LRBA: variants seen among roughly 807,000 people sequenced by gnomAD.
The protein encoded by LRBA is LPS responsive beige-like anchor protein.
In LRBA, 176 loss-of-function variants were observed where a neutral mutation model predicts 330.0. That is an observed-to-expected ratio of 0.53 (90% CI 0.47 to 0.60). LRBA has a LOEUF of 0.60. LRBA is among the 20% of genes least tolerant of loss of function. The pLI is 0.00. For missense variants in LRBA, 3,259 were observed against 3,444.8 expected (o/e 0.95, Z 1.35); for synonymous variants, 1,230 against 1,193.0 (o/e 1.03, Z -0.64).
chr4:150,788,551 A>C (rs1739421732), intron 34 of LRBA, among the ~76,000 whole-genome samples: 1 of 152,166 alleles, frequency 6.6e-6, no homozygotes, highest in African/African-American at 2.4e-5. Context: ...ACCTGAGGTC[A>C]GGAGTTCAAG....
chr4:150,548,188 T>C (rs1766080589), intron 40 of LRBA, among the ~76,000 whole-genome samples: 1 of 152,152 alleles, frequency 6.6e-6, no homozygotes, highest in South Asian at 2.1e-4. Flanking sequence ...GTCAGATACA[T>C]AATAATCAGC....
intron 47 of LRBA, among the ~76,000 whole-genome samples, chr4:150,367,457 A>G (rs956191520): frequency 2.6e-4 from 40 of 152,228 alleles, no homozygotes; most frequent in African/African-American, 8.9e-4. Flanking sequence ...GCTGTTTTAC[A>G]AGTAATCATC....
At chr4:150,269,274 A>G (rs563902115) in intron 56 of LRBA, among the ~76,000 whole-genome samples, 34 of 152,358 alleles carry the variant, frequency 2.2e-4, no homozygotes, top group Non-Finnish European at 4.7e-4. Flanking sequence ...ACAATGCGAC[A>G]GTAATCAAAA....
chr4:150,863,491 G>A (rs1006825919), intron 22 of LRBA, among the ~76,000 whole-genome samples: 2 of 151,986 alleles, frequency 1.3e-5, no homozygotes, highest in Admixed American at 1.3e-4. Flanking sequence ...GCGAAACACC[G>A]TCTCTACTAA....
intron 36 of LRBA, among the ~76,000 whole-genome samples, chr4:150,730,011 A>T (rs1409648423): frequency 6.6e-6 from 1 of 152,220 alleles, no homozygotes; most frequent in Non-Finnish European, 1.5e-5. Flanking sequence ...TAGATTAAAG[A>T]CTTAAATCTA....
In LRBA at chr4:150,320,677, C is replaced by T. The variant is rs371614784; in HGVS notation, c.7630+514G>A. Among the ~76,000 whole-genome samples, 6 of 152,138 alleles carry T rather than the reference C, an allele frequency of 3.9e-5. No homozygotes were observed. The East Asian group carries it at 7.7e-4, about 20-fold the overall frequency. Reference sequence around the variant, plus strand: ...AAAAAATTAGCCAGGCATGGTGCTGCGTGCCTGTAGTCCTAGCTAATCAGG... The same window carrying T: ...AAAAAATTAGCCAGGCATGGTGCTGTGTGCCTGTAGTCCTAGCTAATCAGG... On this transcript the variant is annotated intron_variant, in intron 50 of 56. Coordinates refer to ENST00000651943, the MANE Select transcript of LRBA (RefSeq NM_001364905.1).
intron 40 of LRBA, among the ~76,000 whole-genome samples, chr4:150,530,873 G>C (rs1422213810): frequency 1.3e-5 from 2 of 152,148 alleles, no homozygotes; most frequent in Non-Finnish European, 2.9e-5. Flanking sequence ...TGTGAAGTAA[G>C]AATTATACAC....
intron 2 of LRBA, among the ~76,000 whole-genome samples, chr4:150,949,302 G>T (rs538998080): frequency 5.3e-5 from 8 of 152,018 alleles, no homozygotes; most frequent in African/African-American, 1.9e-4. Context: ...CAATCTAGAA[G>T]AATCTCCAGA....
chr4:150,409,218 A>T (rs1746619329), intron 47 of LRBA, among the ~76,000 whole-genome samples: 2 of 152,114 alleles, frequency 1.3e-5, no homozygotes. Flanking sequence ...TAAGCCAATC[A>T]GAGGGCTAGA....
chr4:150,729,530 T>C (rs940494622), intron 36 of LRBA, among the ~76,000 whole-genome samples: 2 of 152,182 alleles, frequency 1.3e-5, no homozygotes, highest in Non-Finnish European at 2.9e-5. Flanking sequence ...ATTCTATGTT[T>C]ATGGATTGGA....
chr4:151,010,495 A>G (rs1744694239), intron 2 of LRBA, among the ~76,000 whole-genome samples: 1 of 152,254 alleles, frequency 6.6e-6, no homozygotes, highest in Admixed American at 6.5e-5. Flanking sequence ...ACAGATTTGC[A>G]AAAGAAATTA....
intron 34 of LRBA, among the ~76,000 whole-genome samples, chr4:150,788,527 GAGACGGGCAA>G (rs1055574677): frequency 3.3e-5 from 5 of 152,216 alleles, no homozygotes; most frequent in Middle Eastern, 3.4e-3. Flanking sequence ...CAAAATCTAA[GAGACGGGCAA>G]ATCACCTGAG....
At chr4:150,897,929 AG>A (rs1286310112) in intron 14 of LRBA, 111 bp from the exon 15 acceptor site, 23 of 711,816 alleles carry the variant, frequency 3.2e-5, no homozygotes, top group Non-Finnish European at 2.9e-5. Context: ...AGAAATATAA[AG>A]GTAGGTCTCC....
chr4:150,525,122 T>G (rs1763315749), intron 40 of LRBA, among the ~76,000 whole-genome samples: 1 of 152,142 alleles, frequency 6.6e-6, no homozygotes, highest in South Asian at 2.1e-4. Flanking sequence ...AAAACAGACT[T>G]ACAGACAATA....
chr4:150,567,630 CAATT>C (rs1769302511), intron 40 of LRBA, among the ~76,000 whole-genome samples: 1 of 152,088 alleles, frequency 6.6e-6, no homozygotes, highest in African/African-American at 2.4e-5. Flanking sequence ...AGGATTATGA[CAATT>C]AAAGTGCTTA....
At chr4:150,516,212 ATTCTCTTT>A (rs1762326085) in intron 40 of LRBA, among the ~76,000 whole-genome samples, 2 of 80,330 alleles carry the variant, frequency 2.5e-5, no homozygotes, top group South Asian at 7.7e-4. Context: ...GACATTTTCT[ATTCTCTTT>A]TTTTTTTTTT....
At chr4:150,518,505 C>G (rs952380271) in intron 40 of LRBA, among the ~76,000 whole-genome samples, 3 of 152,126 alleles carry the variant, frequency 2.0e-5, no homozygotes, top group Admixed American at 6.6e-5. Flanking sequence ...ATCTTTCTTT[C>G]CTTTCTTTTA....
At chr4:150,857,481 T>A (rs1751363866) in intron 22 of LRBA, among the ~76,000 whole-genome samples, 1 of 152,192 alleles carries the variant, frequency 6.6e-6, no homozygotes, top group Non-Finnish European at 1.5e-5. Context: ...AAAAACAGTC[T>A]AAACAGATGC....
chr4:150,612,921 G>T (rs1169499019), intron 37 of LRBA, among the ~76,000 whole-genome samples: 1 of 152,094 alleles, frequency 6.6e-6, no homozygotes, highest in Non-Finnish European at 1.5e-5. Flanking sequence ...AGAGATTTTT[G>T]AGAAATACCC....
Sources: allele counts gnomAD v4.1 joint callset (sites outside exome capture counted in the v4.1 genomes callset), GRCh38; gene constraint gnomAD v4.1.1; transcripts MANE v1.5; gene names NCBI Gene and HGNC (gene_info 2026-07-23, HGNC 2026-07-21).